Variants in CDH18 observed in about 807,000 individuals in gnomAD.
CDH18 encodes the protein cadherin 18, also known as cadherin-18.
In CDH18, 31 loss-of-function variants were observed where a neutral mutation model predicts 67.9. The ratio of observed to expected loss-of-function variants is 0.46; its 90% confidence interval spans 0.34 to 0.62. The LOEUF (loss-of-function observed/expected upper bound fraction) is 0.62, where lower values mean the gene tolerates loss of function less well. CDH18 is among the 20% of genes least tolerant of loss of function. The pLI, the probability that CDH18 is intolerant of heterozygous loss-of-function variation, is 0.01. For synonymous variants in CDH18, 362 were observed against 347.2 expected (o/e 1.04, Z -0.48); for missense variants, 890 against 975.5 (o/e 0.91, Z 1.17).
At chr5:19,509,684 A>G (rs1018503785) in intron 10 of CDH18, among the ~76,000 whole-genome samples, 1 of 152,094 alleles carries the variant, frequency 6.6e-6, no homozygotes, top group Non-Finnish European at 1.5e-5. Context: ...TTTATGTGTT[A>G]TTTTTGTACA....
At chr5:19,786,289 A>G (rs944302562) in intron 3 of CDH18, among the ~76,000 whole-genome samples, 1 of 152,160 alleles carries the variant, frequency 6.6e-6, no homozygotes, top group African/African-American at 2.4e-5. Flanking sequence ...GTATTTCAGT[A>G]AAGTCCAATA....
At chr5:19,577,917 G>A (rs1243429078) in intron 7 of CDH18, among the ~76,000 whole-genome samples, 1 of 152,182 alleles carries the variant, frequency 6.6e-6, no homozygotes, top group Non-Finnish European at 1.5e-5. Flanking sequence ...TTATAAGAGT[G>A]GCCAAGGGAG....
chr5:19,807,195 A>G (rs1374824901), intron 3 of CDH18, among the ~76,000 whole-genome samples: 1 of 152,168 alleles, frequency 6.6e-6, no homozygotes, highest in Admixed American at 6.6e-5. Flanking sequence ...TAGAGAGAGC[A>G]TTAGGGAAAA....
chr5:19,812,227 CA>C (rs1046430730), intron 3 of CDH18, among the ~76,000 whole-genome samples: 4 of 151,888 alleles, frequency 2.6e-5, no homozygotes, highest in Non-Finnish European at 5.9e-5. Flanking sequence ...CAGTAAAAAG[CA>C]AATTGAAGCC....
At chr5:20,182,929 G>A (rs1192844048) in intron 2 of CDH18, among the ~76,000 whole-genome samples, 1 of 152,038 alleles carries the variant, frequency 6.6e-6, no homozygotes, top group Non-Finnish European at 1.5e-5. Context: ...ATATCGAATG[G>A]GATGTATATA....
At chr5:20,250,316 C>T (rs575353108) in intron 2 of CDH18, among the ~76,000 whole-genome samples, 2 of 151,318 alleles carry the variant, frequency 1.3e-5, no homozygotes, top group South Asian at 2.1e-4. Flanking sequence ...TTTTTTCAGA[C>T]GAAGTCTTGC....
At chr5:19,741,597 T>C (rs1769224507) in intron 4 of CDH18, among the ~76,000 whole-genome samples, 1 of 152,122 alleles carries the variant, frequency 6.6e-6, no homozygotes, top group African/African-American at 2.4e-5. Flanking sequence ...ACACTGCAAT[T>C]TCTTACCTAG....
At chr5:20,365,992 T>C (rs943754284) in intron 1 of CDH18, among the ~76,000 whole-genome samples, 3 of 152,160 alleles carry the variant, frequency 2.0e-5, no homozygotes, top group African/African-American at 4.8e-5. Context: ...AGATATCTTC[T>C]CTATTTCACT....
intron 2 of CDH18, among the ~76,000 whole-genome samples, chr5:20,140,787 T>C (rs1750184881): frequency 6.6e-6 from 1 of 152,148 alleles, no homozygotes; most frequent in Admixed American, 6.6e-5. Context: ...GAGCTAAATC[T>C]GGAAGTGCTT....
chr5:20,230,075 G>A (rs1367592205), intron 2 of CDH18, among the ~76,000 whole-genome samples: 1 of 152,094 alleles, frequency 6.6e-6, no homozygotes, highest in East Asian at 1.9e-4. Flanking sequence ...TAGAACTGAT[G>A]AGTTTTTCTA....
chr5:20,099,086 A>G (rs1180220123), intron 2 of CDH18, among the ~76,000 whole-genome samples: 1 of 152,212 alleles, frequency 6.6e-6, no homozygotes. Context: ...ATGTATTTAG[A>G]CACTTGCAAA....
At chr5:20,031,689 G>T (rs1281762646) in intron 2 of CDH18, among the ~76,000 whole-genome samples, 1 of 152,006 alleles carries the variant, frequency 6.6e-6, no homozygotes, top group Non-Finnish European at 1.5e-5. Flanking sequence ...CAACTCCGGA[G>T]AATCTTCAAC....
intron 2 of CDH18, among the ~76,000 whole-genome samples, chr5:20,025,118 G>T (rs888351704): frequency 6.6e-6 from 1 of 152,146 alleles, no homozygotes; most frequent in Non-Finnish European, 1.5e-5. Context: ...TATCTGACAA[G>T]ATTTAGCTTA....
At chr5:19,859,189 C>A (rs542045903) in intron 2 of CDH18, among the ~76,000 whole-genome samples, 1 of 152,174 alleles carries the variant, frequency 6.6e-6, no homozygotes, top group African/African-American at 2.4e-5. Flanking sequence ...CTAGTTCAGG[C>A]CATGATGGGA....
At chr5:19,841,473 T>C (rs1352024562) in intron 2 of CDH18, among the ~76,000 whole-genome samples, 2 of 152,066 alleles carry the variant, frequency 1.3e-5, no homozygotes, top group Non-Finnish European at 2.9e-5. Flanking sequence ...AATAACTGTA[T>C]TTAATATTCT....
intron 5 of CDH18, among the ~76,000 whole-genome samples, chr5:19,677,530 A>G (rs1269616500): frequency 6.6e-6 from 1 of 152,034 alleles, no homozygotes; most frequent in Non-Finnish European, 1.5e-5. Flanking sequence ...ACAGCTAACA[A>G]CACAACGGCA....
intron 2 of CDH18, among the ~76,000 whole-genome samples, chr5:19,868,502 T>C (rs1785856231): frequency 6.6e-6 from 1 of 152,216 alleles, no homozygotes; most frequent in Non-Finnish European, 1.5e-5. Context: ...TATTTTATTC[T>C]AGGGCTTTGT....
chr5:20,521,903 C>T (rs968927238), intron 1 of CDH18, among the ~76,000 whole-genome samples: 3 of 151,938 alleles, frequency 2.0e-5, no homozygotes, highest in African/African-American at 7.3e-5. Flanking sequence ...AAACCCTCTT[C>T]GAATATTTCA....
chr5:20,414,847 T>G lies in CDH18; in HGVS notation c.-579-159342A>C, dbSNP rs914267602. Among the ~76,000 whole-genome samples, 6 of 152,100 alleles carry G rather than the reference T, an allele frequency of 3.9e-5. No homozygotes were observed. The South Asian group carries it at 6.2e-4, about 16-fold the overall frequency. On this transcript the variant is annotated intron_variant, in intron 1 of 14. Coordinates refer to the CDH18 transcript ENST00000507958. ...CAACCACAGCAAAAACAAATGTTGCTGAGGGTCTAGAGAAATTGGAACCCT... is the reference window on the plus strand; with the variant it reads ...CAACCACAGCAAAAACAAATGTTGCGGAGGGTCTAGAGAAATTGGAACCCT...
Sources: allele counts gnomAD v4.1 joint callset (sites outside exome capture counted in the v4.1 genomes callset), GRCh38; gene constraint gnomAD v4.1.1; transcripts MANE v1.5; gene names NCBI Gene and HGNC (gene_info 2026-07-23, HGNC 2026-07-21).